CSMD1: variants seen among roughly 807,000 people sequenced by gnomAD.
The protein encoded by CSMD1 is CUB and sushi domain-containing protein 1.
CSMD1 carries 213 observed loss-of-function variants against 417.5 expected under a neutral mutation model. That is an observed-to-expected ratio of 0.51 (90% CI 0.46 to 0.57). CSMD1 has a LOEUF of 0.57. Among genes scored for constraint, CSMD1 ranks in the 20% least tolerant of loss-of-function variants. The pLI is 0.00. For missense variants in CSMD1, 6,923 were observed against 4,529.7 expected, an observed-to-expected ratio of 1.53 and a Z score of -15.17; for synonymous variants, 2,862 against 1,736.8, an observed-to-expected ratio of 1.65 and a Z score of -16.11.
intron 1 of CSMD1, among the ~76,000 whole-genome samples, chr8:4,663,010 T>C (rs1295732548): frequency 6.6e-6 from 1 of 152,254 alleles, no homozygotes; most frequent in Non-Finnish European, 1.5e-5. Context: ...TTGTTTTGTT[T>C]TGATTTCCCT....
At chr8:4,774,647 A>G in intron 1 of CSMD1, among the ~76,000 whole-genome samples, 1 of 152,154 alleles carries the variant, frequency 6.6e-6, no homozygotes, top group Non-Finnish European at 1.5e-5. Context: ...CTTCATGTTC[A>G]ATTGTAACCT....
chr8:3,447,817 G>A, intron 12 of CSMD1, among the ~76,000 whole-genome samples: 1 of 152,106 alleles, frequency 6.6e-6, no homozygotes, highest in Non-Finnish European at 1.5e-5. Context: ...GACCACTTGG[G>A]GCCATTTTTG....
At chr8:4,082,469 T>C (rs1164271950) in intron 3 of CSMD1, among the ~76,000 whole-genome samples, 8 of 152,152 alleles carry the variant, frequency 5.3e-5, no homozygotes, top group Non-Finnish European at 1.2e-4. Context: ...TAAGTAGTTC[T>C]AGGAGATTAA....
At chr8:4,840,004 T>A (rs1800742864) in intron 1 of CSMD1, among the ~76,000 whole-genome samples, 1 of 152,078 alleles carries the variant, frequency 6.6e-6, no homozygotes, top group Non-Finnish European at 1.5e-5. Flanking sequence ...TACAGGTGCT[T>A]TTTGTCCTGC....
At chr8:3,599,915 C>G (rs997285416) in intron 8 of CSMD1, among the ~76,000 whole-genome samples, 19 of 152,150 alleles carry the variant, frequency 1.2e-4, no homozygotes. Flanking sequence ...GAGGAAGCAA[C>G]ATTTCGGCAC....
chr8:4,445,734 A>T (rs976685556), intron 2 of CSMD1, among the ~76,000 whole-genome samples: 1 of 152,182 alleles, frequency 6.6e-6, no homozygotes, highest in Non-Finnish European at 1.5e-5. Flanking sequence ...ACGTTGCATT[A>T]AGTATCCAAT....
chr8:3,596,800 G>T (rs1457367876), intron 8 of CSMD1, among the ~76,000 whole-genome samples: 1 of 151,638 alleles, frequency 6.6e-6, no homozygotes, highest in Non-Finnish European at 1.5e-5. Context: ...ACACACACAT[G>T]CATACATGCA....
intron 23 of CSMD1, among the ~76,000 whole-genome samples, chr8:3,340,065 C>G (rs1388290633): frequency 2.0e-5 from 3 of 152,208 alleles, no homozygotes; most frequent in Non-Finnish European, 4.4e-5. Context: ...GGCAATTCCT[C>G]TGCATGTATC....
At chr8:4,260,043 A>G (rs1037017299) in intron 3 of CSMD1, among the ~76,000 whole-genome samples, 9 of 150,988 alleles carry the variant, frequency 6.0e-5, no homozygotes, top group African/African-American at 1.7e-4. Flanking sequence ...TTTTTAACAC[A>G]TACTTGAAAG....
At chr8:3,337,065 C>A (rs575618158) in intron 23 of CSMD1, among the ~76,000 whole-genome samples, 9 of 152,056 alleles carry the variant, frequency 5.9e-5, no homozygotes, top group Admixed American at 2.6e-4. Context: ...GTTGGCCAGG[C>A]CTTGCTGTCC....
chr8:3,077,551 A>T (rs11136566), intron 49 of CSMD1, among the ~76,000 whole-genome samples: 1 of 152,004 alleles, frequency 6.6e-6, no homozygotes. Flanking sequence ...CCACCTCCAG[A>T]ACGTAGTAGT....
intron 21 of CSMD1, among the ~76,000 whole-genome samples, chr8:3,354,917 G>GTCTATCTAGAGA (rs1808670377): frequency 7.0e-6 from 1 of 142,068 alleles, no homozygotes; most frequent in African/African-American, 2.7e-5. Flanking sequence ...CTATAGATAT[G>GTCTATCTAGAGA]TCTATCTATA....
chr8:4,723,587 A>G (rs1446341938), intron 1 of CSMD1, among the ~76,000 whole-genome samples: 1 of 152,142 alleles, frequency 6.6e-6, no homozygotes, highest in Non-Finnish European at 1.5e-5. Flanking sequence ...TGTAAATTGT[A>G]TGAAAAGAGG....
intron 1 of CSMD1, among the ~76,000 whole-genome samples, chr8:4,986,606 A>G (rs544899105): frequency 6.0e-4 from 92 of 152,174 alleles, no homozygotes; most frequent in Non-Finnish European, 8.7e-4. Context: ...AAGAAAAAAA[A>G]TAATTCACTC....
At chr8:4,726,881 T>G (rs1001659605) in intron 1 of CSMD1, among the ~76,000 whole-genome samples, 13 of 152,184 alleles carry the variant, frequency 8.5e-5, no homozygotes, top group African/African-American at 3.1e-4. Context: ...TTCAAAAACA[T>G]TATTAGAAAT....
chr8:3,967,485 T>C (rs1054991405), intron 5 of CSMD1, among the ~76,000 whole-genome samples: 1 of 151,232 alleles, frequency 6.6e-6, no homozygotes, highest in Non-Finnish European at 1.5e-5. Flanking sequence ...TGGAAAGTTG[T>C]TGAAATACAT....
chr8:4,015,402 A>G (rs920500014), intron 4 of CSMD1, among the ~76,000 whole-genome samples: 2 of 152,144 alleles, frequency 1.3e-5, no homozygotes, highest in Non-Finnish European at 2.9e-5. Context: ...ATGATTAAAA[A>G]ACCTCGACTG....
chr8:3,315,114 A>G (rs1268627778), intron 23 of CSMD1, among the ~76,000 whole-genome samples: 1 of 152,216 alleles, frequency 6.6e-6, no homozygotes, highest in African/African-American at 2.4e-5. Flanking sequence ...TTCAATTGGG[A>G]TAATGTACTT....
chr8:3,420,605 A>T (rs1010416631), intron 12 of CSMD1, among the ~76,000 whole-genome samples: 4 of 152,180 alleles, frequency 2.6e-5, no homozygotes, highest in Admixed American at 1.3e-4. Flanking sequence ...ACTACTTTAA[A>T]ATCAAAAATG....
Sources: gnomAD v4.1 joint callset for allele counts (sites outside exome capture counted in the v4.1 genomes callset) on GRCh38, gnomAD v4.1.1 for gene constraint, MANE v1.5 for transcripts, NCBI Gene and HGNC (gene_info 2026-07-23, HGNC 2026-07-21) for gene names.